The following LHPP variants were observed in gnomAD, a reference collection of about 807,000 sequenced individuals.
The protein encoded by LHPP is hLHPP.
A neutral mutation model predicts 30.3 loss-of-function variants in LHPP; 24 were observed. That is an observed-to-expected ratio of 0.79 (90% CI 0.57 to 1.11). LHPP has a LOEUF of 1.11. LHPP is among the 50% of genes most tolerant of loss of function. LHPP has a pLI of 0.00. For synonymous variants in LHPP, 150 were observed against 157.1 expected (o/e 0.95, Z 0.34); for missense variants, 356 against 367.2 (o/e 0.97, Z 0.25).
chr10:124,563,485 C>T (rs936319344), intron 6 of LHPP, among the ~76,000 whole-genome samples: 1 of 151,920 alleles, frequency 6.6e-6, no homozygotes, highest in African/African-American at 2.4e-5. Context: ...TCATGCAAAA[C>T]AGATACTGTT....
At chr10:124,550,018 G>T (rs1186333016) in intron 6 of LHPP, among the ~76,000 whole-genome samples, 1 of 152,272 alleles carries the variant, frequency 6.6e-6, no homozygotes, top group Non-Finnish European at 1.5e-5. Context: ...ACCTTGGCAT[G>T]CAGGGTGGAT....
rs1948944509 is a variant in LHPP at position 124,596,515 on chromosome 10, C to T, written c.717-16749C>T. 6.6e-6 allele frequency among the ~76,000 whole-genome samples: 1 copy of T among 152,170 alleles called. No individual in the cohort carries two copies. The highest frequency in any genetic ancestry group is 1.5e-5 in the Non-Finnish European group (1 of 68,036). ...GAATCCCTTTTAGGTGGAACACACA[C>T]AGAGTGGGCCGGCGCTCATAAGCAG... On this transcript the variant is annotated intron_variant, in intron 6 of 6. Transcript: ENST00000368842. The surrounding 1 kb of genome is among the most constrained non-coding windows in gnomAD (Gnocchi z 4.6).
At chr10:124,600,212 C>A (rs780265630) in intron 6 of LHPP, among the ~76,000 whole-genome samples, 3 of 152,212 alleles carry the variant, frequency 2.0e-5, no homozygotes, top group Admixed American at 1.3e-4. Context: ...AGTGATGGGT[C>A]CCCTGTCAGA....
At chr10:124,525,408 G>T (rs992421740) in intron 6 of LHPP, among the ~76,000 whole-genome samples, 1 of 152,212 alleles carries the variant, frequency 6.6e-6, no homozygotes, top group Admixed American at 6.5e-5. Context: ...GGCCAGACGG[G>T]TTTATGCCCC....
intron 1 of LHPP, among the ~76,000 whole-genome samples, chr10:124,477,755 G>A (rs528031986): frequency 1.3e-5 from 2 of 152,304 alleles, no homozygotes; most frequent in East Asian, 1.9e-4. Flanking sequence ...GTGAATGCAC[G>A]AGTTGACATT....
At chr10:124,501,288 C>T (rs944797421) in intron 5 of LHPP, among the ~76,000 whole-genome samples, 1 of 151,718 alleles carries the variant, frequency 6.6e-6, no homozygotes, top group Non-Finnish European at 1.5e-5. Flanking sequence ...TACGAGGTCT[C>T]CTTTTGGGAT....
chr10:124,481,373 C>CCTTTTTTTTT (rs780510243), intron 1 of LHPP, among the ~76,000 whole-genome samples: 1 of 85,028 alleles, frequency 1.2e-5, no homozygotes, highest in Non-Finnish European at 2.2e-5. Context: ...TATCTGCCCC[C>CCTTTTTTTTT]TTTTTTTTTT....
intron 3 of LHPP, among the ~76,000 whole-genome samples, chr10:124,495,523 G>A (rs1321737141): frequency 6.6e-6 from 1 of 152,208 alleles, no homozygotes. Flanking sequence ...AGGTGTGGCT[G>A]GGTGCCTGCT....
At position 124,484,173 on chromosome 10, in the gene LHPP, AC is replaced by A. The variant is rs1318617262; in HGVS notation, c.162del (p.Asn55ThrfsTer26). Reference protein sequence around the residue: ...KRSRLKVRFCTNESQKSRAEL... With the variant: ...KRSRLKVRFCXNESQKSRAEL... The stretch of plus-strand genomic sequence containing the variant: ...TTCCCGGCTGAAGGTGAGGTTCTGC[AC>A]CAACGAGTCGCAGAAGTCCCGGGCA... On this transcript the variant is annotated frameshift_variant, in exon 2 of 7. Transcript: ENST00000368842. LOFTEE classifies it high-confidence loss of function. 1.9e-6 allele frequency: 3 copies of A among 1,613,958 alleles called. No individual in the cohort carries two copies. The highest frequency in any genetic ancestry group is 2.5e-6 in the Non-Finnish European group (3 of 1,180,032).
At chr10:124,520,470 C>T (rs1469138501) in intron 6 of LHPP, among the ~76,000 whole-genome samples, 1 of 152,190 alleles carries the variant, frequency 6.6e-6, no homozygotes, top group Non-Finnish European at 1.5e-5. Context: ...GCATATCCAT[C>T]CATATCCACC....
chr10:124,500,492 G>T (rs113076981), intron 5 of LHPP, among the ~76,000 whole-genome samples: 3 of 151,972 alleles, frequency 2.0e-5, no homozygotes, highest in African/African-American at 7.3e-5. Context: ...TAATAGTAAT[G>T]ATAATAATAA....
At chr10:124,545,590 T>G (rs982244862) in intron 6 of LHPP, among the ~76,000 whole-genome samples, 2 of 151,774 alleles carry the variant, frequency 1.3e-5, no homozygotes, top group Non-Finnish European at 2.9e-5. Flanking sequence ...TGCTCCCAGG[T>G]AGCAGGAAGA....
chr10:124,520,762 G>A (rs1204677486), intron 6 of LHPP, among the ~76,000 whole-genome samples: 1 of 152,216 alleles, frequency 6.6e-6, no homozygotes, highest in Non-Finnish European at 1.5e-5. Flanking sequence ...GTGACTCTCT[G>A]GAGCTGCACT....
chr10:124,592,269 G>A lies in LHPP; in HGVS notation c.717-20995G>A, dbSNP rs7074951. ...AGGCAAAACCTGGCAGATGGCACCCGGGCCTGATGGCTCCTCAACCCTCTC... is the reference window on the plus strand; with the variant it reads ...AGGCAAAACCTGGCAGATGGCACCCAGGCCTGATGGCTCCTCAACCCTCTC... On this transcript the variant is annotated intron_variant, in intron 6 of 6. Transcript: ENST00000368842. The surrounding 1 kb of genome is among the most constrained non-coding windows in gnomAD (Gnocchi z 6.2). 0.035 allele frequency among the ~76,000 whole-genome samples: 5,369 copies of A among 152,118 alleles called. 137 individuals carry two copies. Among genetic ancestry groups the A allele is most frequent in the East Asian group, 0.13 (662 of 5,172 alleles).
chr10:124,491,107 C>T (rs1282626587), intron 3 of LHPP, among the ~76,000 whole-genome samples: 1 of 151,966 alleles, frequency 6.6e-6, no homozygotes, highest in African/African-American at 2.4e-5. Context: ...TTCTGCACAG[C>T]TAGAATTCTA....
Position 124,589,777 on chromosome 10 carries a change from G to T in LHPP, c.717-23487G>T, listed in dbSNP as rs56886019. The stretch of plus-strand genomic sequence containing the variant: ...ATCTCTGGGGGTGAGGTCGGCTCTC[G>T]TTCAGGCCTGCAGGGTCCCTGGTGC... On this transcript the variant is annotated intron_variant, in intron 6 of 6. Transcript: ENST00000368842. Among the ~76,000 whole-genome samples, 750 of 152,322 alleles carry T rather than the reference G, an allele frequency of 4.9e-3. 7 individuals are homozygous for T. The highest frequency in any genetic ancestry group is 0.017 in the African/African-American group (719 of 41,552).
chr10:124,527,457 G>A (rs1324205734), intron 6 of LHPP, among the ~76,000 whole-genome samples: 1 of 152,194 alleles, frequency 6.6e-6, no homozygotes, highest in Non-Finnish European at 1.5e-5. Context: ...TGTGAACCCG[G>A]TGTGCTCCTC....
At chr10:124,527,456 G>T (rs922729857) in intron 6 of LHPP, among the ~76,000 whole-genome samples, 1 of 152,136 alleles carries the variant, frequency 6.6e-6, no homozygotes, top group South Asian at 2.1e-4. Context: ...ATGTGAACCC[G>T]GTGTGCTCCT....
In LHPP at chr10:124,537,758, C is replaced by T. The variant is rs186494559; in HGVS notation, c.716+20487C>T. ...GGGCCCCACTGCAGTGCCCATGGGC[C>T]GGGCTGATATTACCCGAGACTTCGG... On this transcript the variant is annotated intron_variant, in intron 6 of 6. Coordinates refer to ENST00000368842, the MANE Select transcript of LHPP (RefSeq NM_022126.4). Among the ~76,000 whole-genome samples, 316 of 152,324 alleles carry T rather than the reference C, an allele frequency of 2.1e-3. 4 individuals carry two copies. The highest frequency in any genetic ancestry group is 6.9e-3 in the African/African-American group (288 of 41,574).
Sources: gnomAD v4.1 joint callset for allele counts (sites outside exome capture counted in the v4.1 genomes callset) on GRCh38, gnomAD v4.1.1 for gene constraint, Gnocchi (gnomAD v3.1) non-coding constraint, MANE v1.5 for transcripts, NCBI Gene and HGNC (gene_info 2026-07-23, HGNC 2026-07-21) for gene names.